Variants in GREB1L observed in about 807,000 individuals in gnomAD.
The protein encoded by GREB1L is GREB1 like retinoic acid receptor coactivator, also known as GREB1-like protein.
In GREB1L, 17 loss-of-function variants were observed where a neutral mutation model predicts 200.8. The ratio of observed to expected loss-of-function variants is 0.08; its 90% CI spans 0.06 to 0.13. The LOEUF (loss-of-function observed/expected upper bound fraction) is 0.13. GREB1L is among the 10% of genes least tolerant of loss of function. GREB1L has a pLI of 1.00. For synonymous variants in GREB1L, 789 were observed against 893.0 expected (o/e 0.88, Z 2.08); for missense variants, 1,657 against 2,367.7 (o/e 0.70, Z 6.23).
intron 17 of GREB1L, among the ~76,000 whole-genome samples, chr18:21,479,733 G>A (rs2035848238): frequency 6.6e-6 from 1 of 151,914 alleles, no homozygotes. Context: ...GTTTAATAAT[G>A]GTATTACAGT....
chr18:21,306,785 A>G (rs1343201373), intron 1 of GREB1L, among the ~76,000 whole-genome samples: 2 of 152,226 alleles, frequency 1.3e-5, no homozygotes, highest in Non-Finnish European at 2.9e-5. Context: ...ATCTTTACAA[A>G]TGAAGCATAA....
intron 1 of GREB1L, among the ~76,000 whole-genome samples, chr18:21,360,280 A>T (rs886818965): frequency 1.3e-5 from 2 of 152,202 alleles, no homozygotes; most frequent in African/African-American, 4.8e-5. Context: ...GTGCAGTGAC[A>T]CGATCTCGGC....
intron 3 of GREB1L, 121 bp downstream of exon 3, chr18:21,383,796 T>C: frequency 2.1e-6 from 2 of 960,758 alleles, no homozygotes; most frequent in South Asian, 3.1e-5. Flanking sequence ...CACTGCAACG[T>C]CTGCCTCCTG....
At chr18:21,384,064 C>G (rs2040435600) in intron 3 of GREB1L, 142 bp from the exon 4 acceptor site, 4 of 671,258 alleles carry the variant, frequency 6.0e-6, no homozygotes. Flanking sequence ...AGTGGGGATT[C>G]CAAATCTTGG....
At chr18:21,351,663 C>G (rs1426854159) in intron 1 of GREB1L, among the ~76,000 whole-genome samples, 1 of 151,222 alleles carries the variant, frequency 6.6e-6, no homozygotes, top group African/African-American at 2.4e-5. Context: ...ATATTACATT[C>G]TGGGGTATGA....
intron 4 of GREB1L, 90 bp downstream of exon 4, chr18:21,384,493 A>C (rs924525648): frequency 1.1e-5 from 11 of 996,428 alleles, no homozygotes; most frequent in Non-Finnish European, 1.6e-5. Context: ...TCAAGGCTGG[A>C]AACTAGTAAT....
intron 8 of GREB1L, among the ~76,000 whole-genome samples, chr18:21,440,048 A>G (rs2033808636): frequency 6.6e-6 from 1 of 152,228 alleles, no homozygotes; most frequent in Non-Finnish European, 1.5e-5. Flanking sequence ...AAACTTGGGA[A>G]CTGTAAAACA....
intron 1 of GREB1L, among the ~76,000 whole-genome samples, chr18:21,259,072 A>G (rs959497398): frequency 3.9e-5 from 6 of 152,164 alleles, no homozygotes; most frequent in Non-Finnish European, 8.8e-5. Context: ...ATACTGTTGC[A>G]TGGGAGATTA....
Position 21,518,016 on chromosome 18 carries a change from T to C in GREB1L, c.5272-18T>C. ...GTGACAGACAAGTTTCCCATGATCA[T>C]CTCGCCTCTGATTTCAGGTGTCAGA... is the stretch of plus-strand genomic sequence containing the variant. On this transcript the variant is annotated intron_variant, in intron 30 of 32. Coordinates refer to ENST00000424526, the MANE Select transcript of GREB1L (RefSeq NM_001142966.3). 2 of 1,543,442 alleles carry C rather than the reference T, an allele frequency of 1.3e-6. No homozygotes were observed. Among genetic ancestry groups the C allele is most frequent in the Non-Finnish European group, 8.8e-7 (1 of 1,139,694 alleles).
chr18:21,521,589 T>C (rs2037599953), intron 32 of GREB1L, among the ~76,000 whole-genome samples: 1 of 151,992 alleles, frequency 6.6e-6, no homozygotes. Flanking sequence ...GGGGGAGTGG[T>C]AGATTTTGCC....
intron 1 of GREB1L, among the ~76,000 whole-genome samples, chr18:21,256,621 T>A (rs1003301587): frequency 6.6e-6 from 1 of 152,164 alleles, no homozygotes; most frequent in South Asian, 2.1e-4. Context: ...TTCCTGAGAC[T>A]CTTGATATTT....
chr18:21,249,579 G>A (rs2143910044), intron 1 of GREB1L, among the ~76,000 whole-genome samples: 1 of 152,278 alleles, frequency 6.6e-6, no homozygotes, highest in East Asian at 1.9e-4. Context: ...ATCTGGCCGG[G>A]TGTGGTGGCT....
At chr18:21,301,926 G>A (rs2038623916) in intron 1 of GREB1L, among the ~76,000 whole-genome samples, 1 of 152,210 alleles carries the variant, frequency 6.6e-6, no homozygotes, top group Non-Finnish European at 1.5e-5. Flanking sequence ...GAATTGGAAG[G>A]AGGTTGCTTA....
At chr18:21,401,424 A>G in intron 6 of GREB1L, 98 bp downstream of exon 6, 3 of 1,030,486 alleles carry the variant, frequency 2.9e-6, no homozygotes, top group Non-Finnish European at 4.1e-6. Flanking sequence ...GATACAGATA[A>G]ATATCCTAAG....
intron 4 of GREB1L, among the ~76,000 whole-genome samples, chr18:21,390,247 G>A (rs1278928464): frequency 6.6e-6 from 1 of 151,860 alleles, no homozygotes; most frequent in Non-Finnish European, 1.5e-5. Flanking sequence ...TTATTACCTA[G>A]TTATTTTATT....
At chr18:21,507,801 C>A (rs2037076141) in intron 25 of GREB1L, among the ~76,000 whole-genome samples, 1 of 152,188 alleles carries the variant, frequency 6.6e-6, no homozygotes. Context: ...CAGGACATCC[C>A]ACAGATATAT....
At chr18:21,502,879 A>C (rs1254638896) in intron 23 of GREB1L, among the ~76,000 whole-genome samples, 1 of 151,780 alleles carries the variant, frequency 6.6e-6, no homozygotes, top group African/African-American at 2.4e-5. Context: ...CTTGACTCTT[A>C]CTCTGTGCCG....
intron 7 of GREB1L, among the ~76,000 whole-genome samples, chr18:21,430,096 A>G (rs1444614435): frequency 2.0e-5 from 3 of 152,060 alleles, no homozygotes; most frequent in South Asian, 2.1e-4. Flanking sequence ...AAATCATTTC[A>G]GATTACGCCC....
chr18:21,402,146 A>T (rs1285996429), intron 6 of GREB1L, among the ~76,000 whole-genome samples: 1 of 152,218 alleles, frequency 6.6e-6, no homozygotes, highest in East Asian at 1.9e-4. Context: ...ATCAGAACTT[A>T]ACGCTTGTGA....
Sources: gnomAD v4.1 joint callset for allele counts (sites outside exome capture counted in the v4.1 genomes callset) on GRCh38, gnomAD v4.1.1 for gene constraint, MANE v1.5 for transcripts, NCBI Gene and HGNC (gene_info 2026-07-23, HGNC 2026-07-21) for gene names.